DHX40: variants seen among roughly 807,000 people sequenced by gnomAD.
The protein encoded by DHX40 is DEAH-box helicase 40, also known as probable ATP-dependent RNA helicase DHX40.
In DHX40, 28 loss-of-function variants were observed where a neutral mutation model predicts 89.6. The observed-to-expected ratio is 0.31, with a 90% confidence interval of 0.23 to 0.43. DHX40 has a LOEUF of 0.43. Ranked by LOEUF, DHX40 falls within the 20% of genes least tolerant of loss-of-function variation. DHX40 has a pLI of 1.00. For synonymous variants in DHX40, 226 were observed against 283.6 expected, an observed-to-expected ratio of 0.80 and a Z score of 2.04; for missense variants, 457 against 844.0, an observed-to-expected ratio of 0.54 and a Z score of 5.68.
Position 59,606,573 on chromosome 17 carries a change from C to T in DHX40, c.2201-460C>T, listed in dbSNP as rs112076674. The stretch of plus-strand genomic sequence containing the variant: ...CATCCTGGCTAACACGGTGAAACCC[C>T]GTCTCTACTAAATATACAAAAAACT... On this transcript the variant is annotated intron_variant, in intron 17 of 17. Coordinates refer to ENST00000251241, the MANE Select transcript of DHX40 (RefSeq NM_024612.5). Among the ~76,000 whole-genome samples, 1,011 of 151,898 alleles carry T rather than the reference C, an allele frequency of 6.7e-3. 16 individuals are homozygous for T. Among genetic ancestry groups the T allele is most frequent in the African/African-American group, 0.023 (968 of 41,454 alleles).
intron 11 of DHX40, 138 bp downstream of exon 11, chr17:59,586,371 T>C: frequency 2.3e-6 from 2 of 873,290 alleles, no homozygotes; most frequent in Non-Finnish European, 3.5e-6. Context: ...ACAATTCTGA[T>C]TGAAAAACCA....
Position 59,605,541 on chromosome 17 carries a change from T to G in DHX40, c.2067T>G (p.Tyr689Ter), listed in dbSNP as rs559169845. 6.2e-7 allele frequency: 1 copy of G among 1,614,212 alleles called. No individual in the cohort carries two copies. The part of the protein sequence containing the change: ...VYARIVCPIR[Y>*]EWVRDLLPKL... ...CAAGAATTGTATGCCCAATCCGTTA[T>G]GAATGGGTAAGAGACTTGTTACCCA... Residue 689 changes from tyrosine (Y) to a stop codon, truncating the protein, a stop_gained, in exon 17 of 18, where the codon TAT (tyrosine) becomes TAG (stop). Transcript: ENST00000251241. LOFTEE classifies it high-confidence loss of function.
Position 59,591,663 on chromosome 17 carries a change from C to T in DHX40, c.1582+3610C>T, listed in dbSNP as rs1271344395. ...TCCTTTATACCTTCTATGCAGTTTCCGCAATTTTTAACATTTTACCCCCTT... is the reference window on the plus strand; with the variant it reads ...TCCTTTATACCTTCTATGCAGTTTCTGCAATTTTTAACATTTTACCCCCTT... On this transcript the variant is annotated intron_variant, in intron 12 of 17. Transcript: ENST00000251241. 2.6e-5 allele frequency among the ~76,000 whole-genome samples: 4 copies of T among 151,222 alleles called. 1 individual carries two copies. Among genetic ancestry groups the T allele is most frequent in the East Asian group, 1.9e-4 (1 of 5,186 alleles).
intron 8 of DHX40, among the ~76,000 whole-genome samples, chr17:59,579,029 C>T (rs1177846386): frequency 8.8e-5 from 12 of 136,644 alleles, no homozygotes; most frequent in Admixed American, 7.0e-4. Context: ...TGTATATATG[C>T]GTGTGTATAT....
chr17:59,583,527 T>G (rs1194963703), intron 10 of DHX40, among the ~76,000 whole-genome samples: 1 of 130,884 alleles, frequency 7.6e-6, no homozygotes, highest in African/African-American at 2.5e-5. Context: ...GTGGTAGAGA[T>G]CTGAAATTAT....
intron 10 of DHX40, 66 bp from the exon 11 acceptor site, chr17:59,586,087 T>C: frequency 8.4e-7 from 1 of 1,187,134 alleles, no homozygotes; most frequent in Non-Finnish European, 1.2e-6. Context: ...ATTTTCGTCA[T>C]GTCTATATAA....
In DHX40 at chr17:59,607,497, A is replaced by AT; in HGVS notation, c.*327dup. 1.7e-6 allele frequency: 1 copy of AT among 572,648 alleles called. No homozygotes were observed. Among genetic ancestry groups the AT allele is most frequent in the Non-Finnish European group, 3.1e-6 (1 of 321,686 alleles). 35.5% of individuals were successfully genotyped at this position (572,648 alleles called of 1,614,324 possible). ...TGTCATTGAGATGTTTTCAAAGAAC[A>AT]TTGAGTTGTATTTAATCAGCGTGTA... is the stretch of plus-strand genomic sequence containing the variant. On this transcript the variant is annotated 3_prime_UTR_variant, in exon 18 of 18. Coordinates refer to ENST00000251241, the MANE Select transcript of DHX40 (RefSeq NM_024612.5).
rs546737424 is a variant in DHX40, at chr17:59,572,579, A to G, written c.427-537A>G. On this transcript the variant is annotated intron_variant, in intron 3 of 17. Transcript: ENST00000251241. ...TGTTTATTAGAGATGTGGTTTTGCT[A>G]TGTTGTCCAGGCTGGTCTCGAACTC... is the stretch of plus-strand genomic sequence containing the variant. Among the ~76,000 whole-genome samples the G allele has an allele frequency of 1.1e-3, 165 of 152,174 alleles. 2 individuals carry two copies. The highest frequency in any genetic ancestry group is 8.1e-3 in the South Asian group (39 of 4,818).
chr17:59,594,324 A>G (rs948621775), intron 12 of DHX40, among the ~76,000 whole-genome samples: 1 of 152,054 alleles, frequency 6.6e-6, no homozygotes, highest in Non-Finnish European at 1.5e-5. Flanking sequence ...TCTTGATCCA[A>G]ATAAAGTTGG....
chr17:59,570,044 A>C lies in DHX40; in HGVS notation c.281-474A>C, dbSNP rs190693534. ...AGGCAACAAGAGCAAAACTCTGTCTAAATATATATAATATACATTATATTA... is the reference window on the plus strand; with the variant it reads ...AGGCAACAAGAGCAAAACTCTGTCTCAATATATATAATATACATTATATTA... On this transcript the variant is annotated intron_variant, in intron 2 of 17. Transcript: ENST00000251241. Among the ~76,000 whole-genome samples the C allele has an allele frequency of 6.6e-3, 814 of 123,872 alleles. 5 individuals are homozygous for C. The highest frequency in any genetic ancestry group is 0.028 in the African/African-American group (772 of 27,352). 81.3% of individuals were successfully genotyped at this position (123,872 alleles called of 152,430 possible). A position where few individuals can be genotyped will look rare whatever the true frequency, so the allele number is the denominator to read the frequency against.
At chr17:59,595,056 A>T (rs1298787639) in intron 12 of DHX40, among the ~76,000 whole-genome samples, 1 of 151,738 alleles carries the variant, frequency 6.6e-6, no homozygotes, top group Non-Finnish European at 1.5e-5. Flanking sequence ...TGAACTGTGC[A>T]GGTCTACTTA....
intron 14 of DHX40, among the ~76,000 whole-genome samples, chr17:59,600,466 C>CTT (rs57671289): frequency 0.027 from 3,979 of 148,740 alleles, 173 homozygotes; most frequent in African/African-American, 0.09. Context: ...AGTATATGCT[C>CTT]TTTTTTTTTT....
In DHX40 at chr17:59,607,364, T is replaced by C. The variant is rs965835426; in HGVS notation, c.*192T>C. 3.6e-6 allele frequency: 4 copies of C among 1,115,430 alleles called. No homozygotes were observed. The highest frequency in any genetic ancestry group is 2.2e-5 in the Admixed American group (1 of 46,186). The allele number at this position is 1,115,430 out of a possible 1,614,324, so 69.1% of individuals were successfully genotyped here. On this transcript the variant is annotated 3_prime_UTR_variant, in exon 18 of 18. Transcript: ENST00000251241. ...ATAAATGCAGTTGTCAAAGAAAAGATTTGGTTGCCATAGTCATAAGCAATG... is the reference window on the plus strand; with the variant it reads ...ATAAATGCAGTTGTCAAAGAAAAGACTTGGTTGCCATAGTCATAAGCAATG...
chr17:59,570,454 A>G (rs897306338), intron 2 of DHX40, 64 bp from the exon 3 acceptor site: 2 of 1,490,634 alleles, frequency 1.3e-6, no homozygotes, highest in East Asian at 2.6e-5. Context: ...GCCAAAAACA[A>G]TTTAGCTCTA....
Position 59,577,283 on chromosome 17 carries a change from T to C in DHX40, c.991T>C (p.Phe331Leu). ...SMTTDQQRRI[F>L]LPPPPGIRKC... ...TACTTCAGATCAACAGAGGAGGATATTTTTGCCACCACCACCTGGAATTAG... is the reference window on the plus strand; with the variant it reads ...TACTTCAGATCAACAGAGGAGGATACTTTTGCCACCACCACCTGGAATTAG... Residue 331 changes from phenylalanine (F) to leucine (L), a missense_variant, in exon 8 of 18, where the codon TTT becomes CTT. By Grantham distance (22) the Phe-to-Leu change is conservative. Transcript: ENST00000251241. 6.2e-7 allele frequency: 1 copy of C among 1,613,582 alleles called. No individual in the cohort carries two copies. The highest frequency in any genetic ancestry group is 8.5e-7 in the Non-Finnish European group (1 of 1,179,616).
At chr17:59,598,347 T>C (rs2697416) in intron 12 of DHX40, among the ~76,000 whole-genome samples, 4 of 152,256 alleles carry the variant, frequency 2.6e-5, no homozygotes, top group South Asian at 4.1e-4. Context: ...CAGTACTTTG[T>C]CTTGAGGATT....
intron 12 of DHX40, among the ~76,000 whole-genome samples, chr17:59,597,770 C>T (rs894586295): frequency 6.6e-6 from 1 of 150,444 alleles, no homozygotes; most frequent in Non-Finnish European, 1.5e-5. Flanking sequence ...CCCGTCTCTA[C>T]TAAAAATACA....
chr17:59,571,596 C>G (rs1366797389), intron 3 of DHX40, among the ~76,000 whole-genome samples: 10 of 144,508 alleles, frequency 6.9e-5, no homozygotes, highest in African/African-American at 2.5e-4. Flanking sequence ...CTGGTAACTT[C>G]TTTTTTTTTT....
At chr17:59,567,070 C>G (rs897367807) in intron 2 of DHX40, among the ~76,000 whole-genome samples, 6 of 152,154 alleles carry the variant, frequency 3.9e-5, no homozygotes, top group African/African-American at 1.4e-4. Context: ...AGTTGTCTAG[C>G]AGTAGACTAT....
Sources: gnomAD v4.1 joint callset for allele counts (sites outside exome capture counted in the v4.1 genomes callset) on GRCh38, gnomAD v4.1.1 for gene constraint, MANE v1.5 for transcripts, NCBI Gene and HGNC (gene_info 2026-07-23, HGNC 2026-07-21) for gene names.